The following SAMMSON variants were observed in gnomAD, a reference collection of about 807,000 sequenced individuals.
SAMMSON encodes the protein survival associated mitochondrial melanoma specific oncogenic non-coding RNA.
At chr3:70,108,951 C>T (rs9880660) in intron 4 of SAMMSON, among the ~76,000 whole-genome samples, 80,677 of 151,908 alleles carry the variant, frequency 0.53, 22,514 homozygotes, top group East Asian at 0.95. Flanking sequence ...CTGTGGCCAA[C>T]TGGATGGCTA....
intron 4 of SAMMSON, among the ~76,000 whole-genome samples, chr3:70,110,026 T>TATAC (rs2067382118): frequency 6.6e-6 from 1 of 152,210 alleles, no homozygotes; most frequent in Admixed American, 6.5e-5. Flanking sequence ...ATAGATAACT[T>TATAC]ATACAGTGTT....
chr3:70,061,949 G>A (rs1211777221), intron 3 of SAMMSON, among the ~76,000 whole-genome samples: 40 of 152,048 alleles, frequency 2.6e-4, no homozygotes, highest in Admixed American at 2.6e-3. Flanking sequence ...CAAACCAGCT[G>A]CTTACACTTA....
chr3:70,406,396 C>A (rs1701178620), intron 2 of SAMMSON, among the ~76,000 whole-genome samples: 1 of 152,076 alleles, frequency 6.6e-6, no homozygotes, highest in Non-Finnish European at 1.5e-5. Flanking sequence ...TTTGTGCTAA[C>A]AGACCTATAC....
intron 4 of SAMMSON, among the ~76,000 whole-genome samples, chr3:70,151,291 G>T (rs905395884): frequency 3.3e-5 from 5 of 152,036 alleles, no homozygotes; most frequent in Admixed American, 1.3e-4. Flanking sequence ...GACTTCTGAG[G>T]ATGGTGTCGG....
chr3:70,045,113 A>G (rs1254250284), intron 3 of SAMMSON, among the ~76,000 whole-genome samples: 2 of 87,236 alleles, frequency 2.3e-5, no homozygotes, highest in Admixed American at 1.3e-4. Flanking sequence ...ATTATAATTT[A>G]TATATATTAA....
chr3:70,362,931 G>C (rs1463680802), intron 9 of SAMMSON, among the ~76,000 whole-genome samples: 3 of 150,680 alleles, frequency 2.0e-5, no homozygotes, highest in Non-Finnish European at 4.4e-5. Flanking sequence ...CAGTAATATT[G>C]ACAGCATGGG....
chr3:70,422,483 A>ATT, intron 2 of SAMMSON, among the ~76,000 whole-genome samples: 1 of 152,102 alleles, frequency 6.6e-6, no homozygotes, highest in South Asian at 2.1e-4. Flanking sequence ...CTACTATAGT[A>ATT]CGTTGTGAGT....
intron 4 of SAMMSON, among the ~76,000 whole-genome samples, chr3:70,211,828 T>C (rs1701353286): frequency 1.3e-5 from 2 of 150,062 alleles, no homozygotes; most frequent in Non-Finnish European, 3.0e-5. Flanking sequence ...CCTTCCCTTT[T>C]TCCTTTTTCC....
intron 6 of SAMMSON, among the ~76,000 whole-genome samples, chr3:70,260,389 T>A (rs1011850769): frequency 4.6e-5 from 7 of 152,124 alleles, no homozygotes; most frequent in African/African-American, 1.7e-4. Context: ...GCTAATTACA[T>A]CTGCAACAAC....
At chr3:70,161,233 G>A (rs1242281918) in intron 4 of SAMMSON, among the ~76,000 whole-genome samples, 6 of 151,954 alleles carry the variant, frequency 3.9e-5, no homozygotes, top group Non-Finnish European at 7.4e-5. Flanking sequence ...TGGTGAGAGA[G>A]CATTCTTATC....
intron 4 of SAMMSON, among the ~76,000 whole-genome samples, chr3:70,219,349 G>T (rs1469675939): frequency 6.6e-6 from 1 of 152,098 alleles, no homozygotes; most frequent in Non-Finnish European, 1.5e-5. Flanking sequence ...GCATGCTCCC[G>T]ATTCACAAAC....
At chr3:70,146,477 A>T (rs911865782) in intron 4 of SAMMSON, among the ~76,000 whole-genome samples, 2 of 151,952 alleles carry the variant, frequency 1.3e-5, no homozygotes, top group African/African-American at 4.8e-5. Context: ...ACCAAGTGGG[A>T]TTTATTCTGG....
chr3:70,026,533 A>T (rs908290507), intron 3 of SAMMSON, among the ~76,000 whole-genome samples: 4 of 152,184 alleles, frequency 2.6e-5, no homozygotes, highest in African/African-American at 9.7e-5. Context: ...TTGAAGACAT[A>T]TCAAGTCCCT....
At chr3:70,295,091 A>G (rs1702276710) in intron 7 of SAMMSON, among the ~76,000 whole-genome samples, 2 of 152,118 alleles carry the variant, frequency 1.3e-5, no homozygotes, top group African/African-American at 4.8e-5. Flanking sequence ...GGGCAGTGGG[A>G]CCATTATTGG....
intron 3 of SAMMSON, among the ~76,000 whole-genome samples, chr3:70,016,077 C>G (rs1426628140): frequency 6.6e-6 from 1 of 152,038 alleles, no homozygotes; most frequent in Non-Finnish European, 1.5e-5. Flanking sequence ...GGGTATATAC[C>G]CAGTAATGGG....
At chr3:70,393,183 A>C (rs1701063809), downstream of SAMMSON, among the ~76,000 whole-genome samples, 1 of 152,140 alleles carries the variant, frequency 6.6e-6, no homozygotes, top group African/African-American at 2.4e-5. Flanking sequence ...GTTTATGTTC[A>C]CTTATTATTG....
intron 4 of SAMMSON, among the ~76,000 whole-genome samples, chr3:70,145,043 A>G (rs945355554): frequency 2.0e-5 from 3 of 152,070 alleles, no homozygotes; most frequent in Admixed American, 6.6e-5. Context: ...TCTGTTACCC[A>G]TCTTTCTCCC....
At chr3:70,248,342 TG>T (rs929387609) in intron 4 of SAMMSON, among the ~76,000 whole-genome samples, 3 of 152,010 alleles carry the variant, frequency 2.0e-5, no homozygotes, top group African/African-American at 4.8e-5. Flanking sequence ...AGTTTATAAA[TG>T]GAGAAAAAAT....
chr3:70,132,257 C>T (rs183075736), intron 4 of SAMMSON, among the ~76,000 whole-genome samples: 5 of 152,242 alleles, frequency 3.3e-5, no homozygotes, highest in Admixed American at 6.5e-5. Context: ...GATAAAAGAC[C>T]GTTGACCATG....
Sources: gnomAD v4.1 joint callset for allele counts (sites outside exome capture counted in the v4.1 genomes callset) on GRCh38, gnomAD v4.1.1 for gene constraint, MANE v1.5 for transcripts, NCBI Gene and HGNC (gene_info 2026-07-23, HGNC 2026-07-21) for gene names.